HACL2: variants seen among roughly 807,000 people sequenced by gnomAD.
The protein encoded by HACL2 is 2-hydroxyacyl-CoA lyase 2, also known as 2-hydroxyacyl-CoA lyase 1 like.
At chr19:15,116,892 G>A in the HACL2 span, 1 of 249,548 alleles carries the variant, frequency 4.0e-6, no homozygotes, top group South Asian at 6.1e-5. Flanking sequence ...CACAGCGAAC[G>A]TTACTGAAGT....
At chr19:15,123,833 A>G in the HACL2 span, 2 of 550,252 alleles carry the variant, frequency 3.6e-6, no homozygotes, top group East Asian at 3.0e-5. This position sits in a 1 kb window ranked among gnomAD's most constrained non-coding sequence, Gnocchi z 5.1. Flanking sequence ...CTGAAAGTTC[A>G]ATAGAACCCA....
At chr19:15,118,036 G>A in the HACL2 span, 1 of 1,613,708 alleles carries the variant, frequency 6.2e-7, no homozygotes, top group Non-Finnish European at 8.5e-7. Flanking sequence ...GGACAGGAAT[G>A]CAGTAGGCAG....
the HACL2 span, chr19:15,115,523 G>T: frequency 6.2e-7 from 1 of 1,602,482 alleles, no homozygotes; most frequent in Non-Finnish European, 8.5e-7. Context: ...AGCTGGGACT[G>T]AAACAGCCTC....
At chr19:15,120,027 G>A in the HACL2 span, 15 of 1,550,616 alleles carry the variant, frequency 9.7e-6, no homozygotes, top group Admixed American at 2.0e-5. Context: ...GCGGTCCCTC[G>A]GGCTGAGGCT....
chr19:15,119,903 G>T, the HACL2 span: 1 of 976,372 alleles, frequency 1.0e-6, no homozygotes, highest in Non-Finnish European at 1.5e-6. Context: ...CCCCAGTACT[G>T]ACTCAGGGAG....
the HACL2 span, among the ~76,000 whole-genome samples, chr19:15,122,036 T>C: frequency 6.7e-6 from 1 of 148,392 alleles, no homozygotes; most frequent in African/African-American, 2.5e-5. This position sits in a 1 kb window ranked among gnomAD's most constrained non-coding sequence, Gnocchi z 4.0. Flanking sequence ...TAGCTGGGAC[T>C]ACAGGCGCCC....
At chr19:15,119,259 T>C in the HACL2 span, 1 of 1,610,230 alleles carries the variant, frequency 6.2e-7, no homozygotes. Flanking sequence ...CCCCGTGCCA[T>C]CCCTCCAAGG....
chr19:15,118,107 T>C, the HACL2 span: 1 of 1,517,928 alleles, frequency 6.6e-7, no homozygotes, highest in Non-Finnish European at 9.0e-7. Flanking sequence ...AATGAGTCCC[T>C]GTTCCTCACC....
At chr19:15,123,220 T>C in the HACL2 span, 1 of 1,613,838 alleles carries the variant, frequency 6.2e-7, no homozygotes, top group Non-Finnish European at 8.5e-7. The surrounding 1 kb of genome is among the most constrained non-coding windows in gnomAD (Gnocchi z 5.1). Context: ...GGGCCTGCTG[T>C]CACTGCCGCC....
chr19:15,123,550 G>C, the HACL2 span: 1 of 1,614,004 alleles, frequency 6.2e-7, no homozygotes, highest in African/African-American at 1.3e-5. This position sits in a 1 kb window ranked among gnomAD's most constrained non-coding sequence, Gnocchi z 5.1. Flanking sequence ...CGTTCTCTCC[G>C]CCATGCCGGA....
chr19:15,121,156 G>A, the HACL2 span, among the ~76,000 whole-genome samples: 1 of 152,180 alleles, frequency 6.6e-6, no homozygotes, highest in Non-Finnish European at 1.5e-5. Context: ...CTACTCCGGG[G>A]GCTGAGGCAG....
chr19:15,123,019 C>T, the HACL2 span: 33 of 1,604,348 alleles, frequency 2.1e-5, no homozygotes, highest in South Asian at 1.4e-4. This position sits in a 1 kb window ranked among gnomAD's most constrained non-coding sequence, Gnocchi z 5.1. Context: ...CAGCCTGGAG[C>T]GCACCCCGGT....
the HACL2 span, chr19:15,116,684 A>C: frequency 1.7e-6 from 1 of 603,670 alleles, no homozygotes. Context: ...ACACCCCAGA[A>C]CCTGCCAGAA....
chr19:15,124,192 C>T, the HACL2 span: 43 of 156,372 alleles, frequency 2.7e-4, no homozygotes, highest in Middle Eastern at 3.4e-3. Context: ...CCCTACACAT[C>T]CAAGGCTTGC....
chr19:15,123,639 G>C, the HACL2 span: 1 of 1,506,890 alleles, frequency 6.6e-7, no homozygotes, highest in Admixed American at 1.7e-5. This position sits in a 1 kb window ranked among gnomAD's most constrained non-coding sequence, Gnocchi z 5.1. Context: ...GCTGGGAAAG[G>C]GGGCAATCCC....
chr19:15,120,046 C>A, the HACL2 span: 4 of 1,550,310 alleles, frequency 2.6e-6, no homozygotes, highest in Non-Finnish European at 3.5e-6. Context: ...CTCCCAGGCT[C>A]CTGCAAAGAG....
chr19:15,115,915 A>T, the HACL2 span: 1 of 1,614,020 alleles, frequency 6.2e-7, no homozygotes, highest in Non-Finnish European at 8.5e-7. Flanking sequence ...CCAAACAGGC[A>T]CCAGACCTAG....
At chr19:15,124,994 G>A in the HACL2 span, 2 of 1,599,488 alleles carry the variant, frequency 1.3e-6, no homozygotes, top group East Asian at 2.3e-5. Flanking sequence ...CCAGCGTCCC[G>A]CAGGCCAGGA....
chr19:15,123,912 G>A, the HACL2 span: 2 of 349,320 alleles, frequency 5.7e-6, no homozygotes, highest in African/African-American at 2.1e-5. This position sits in a 1 kb window ranked among gnomAD's most constrained non-coding sequence, Gnocchi z 5.1. Context: ...AGAGAGGAGA[G>A]GGTTATATAA....
Sources: gnomAD v4.1 joint callset for allele counts (sites outside exome capture counted in the v4.1 genomes callset) on GRCh38, gnomAD v4.1.1 for gene constraint, Gnocchi (gnomAD v3.1) non-coding constraint, MANE v1.5 for transcripts, NCBI Gene and HGNC (gene_info 2026-07-23, HGNC 2026-07-21) for gene names.